LRRFIP2: variants seen among roughly 807,000 people sequenced by gnomAD.
LRRFIP2 encodes the protein LRR binding FLII interacting protein 2.
LRRFIP2 carries 109 observed loss-of-function variants against 125.9 expected under a neutral mutation model. The observed-to-expected ratio is 0.87, with a 90% CI of 0.74 to 1.01. LRRFIP2 has a LOEUF of 1.01. Ranked by LOEUF, LRRFIP2 falls within the 50% of genes least tolerant of loss-of-function variation. LRRFIP2 has a pLI of 0.00. For synonymous variants in LRRFIP2, 291 were observed against 293.1 expected (o/e 0.99, Z 0.07); for missense variants, 850 against 862.3 (o/e 0.99, Z 0.18).
intron 7 of LRRFIP2, among the ~76,000 whole-genome samples, chr3:37,114,627 AT>A (rs1276839822): frequency 2.0e-5 from 3 of 152,090 alleles, no homozygotes; most frequent in Non-Finnish European, 4.4e-5. Flanking sequence ...TACAAAAAAA[AT>A]AAAACAATTA....
At chr3:37,077,774 T>C (rs994136755) in intron 19 of LRRFIP2, among the ~76,000 whole-genome samples, 1 of 152,174 alleles carries the variant, frequency 6.6e-6, no homozygotes, top group Non-Finnish European at 1.5e-5. Flanking sequence ...GATAGATGAA[T>C]GCATAAGCAA....
chr3:37,146,371 C>G (rs151211527), intron 2 of LRRFIP2, among the ~76,000 whole-genome samples: 11 of 152,032 alleles, frequency 7.2e-5, no homozygotes, highest in Admixed American at 7.2e-4. Flanking sequence ...TAGGTAAACA[C>G]GTGTCATGAT....
intron 26 of LRRFIP2, 98 bp downstream of exon 26, chr3:37,054,988 G>T: frequency 1.4e-6 from 1 of 736,266 alleles, no homozygotes; most frequent in Non-Finnish European, 2.4e-6. Context: ...AACTATTATT[G>T]ATCCAACTGC....
At chr3:37,150,590 T>A (rs2095995508) in intron 1 of LRRFIP2, among the ~76,000 whole-genome samples, 1 of 152,136 alleles carries the variant, frequency 6.6e-6, no homozygotes, top group South Asian at 2.1e-4. Flanking sequence ...CCATCTAACC[T>A]TTGGTTAGAT....
intron 17 of LRRFIP2, chr3:37,093,343 C>G (rs577798191): frequency 6.6e-6 from 1 of 152,612 alleles, no homozygotes; most frequent in African/African-American, 2.4e-5. Flanking sequence ...TCCTCTCACC[C>G]ACGCAGGTAT....
chr3:37,105,399 A>G (rs2094267790), intron 14 of LRRFIP2, 56 bp downstream of exon 14: 3 of 1,357,936 alleles, frequency 2.2e-6, no homozygotes, highest in Non-Finnish European at 3.2e-6. Flanking sequence ...TCATGTGATC[A>G]TGCATTGCTG....
intron 18 of LRRFIP2, among the ~76,000 whole-genome samples, chr3:37,084,721 TAA>T (rs1276363510): frequency 6.9e-6 from 1 of 144,930 alleles, no homozygotes; most frequent in Non-Finnish European, 1.5e-5. Context: ...AGTTTTGAAG[TAA>T]AAAAAAAAGG....
chr3:37,081,101 T>A (rs573434961), intron 19 of LRRFIP2, among the ~76,000 whole-genome samples: 1 of 152,174 alleles, frequency 6.6e-6, no homozygotes, highest in South Asian at 2.1e-4. Flanking sequence ...CAAAAAGATT[T>A]TTAAAAAACA....
intron 13 of LRRFIP2, 149 bp from the exon 14 acceptor site, chr3:37,105,672 A>T (rs2094284129): frequency 1.8e-6 from 1 of 547,360 alleles, no homozygotes; most frequent in South Asian, 2.8e-5. Flanking sequence ...CTTATATATT[A>T]ATAAAAAAGC....
At chr3:37,091,900 T>C (rs182794455) in intron 17 of LRRFIP2, among the ~76,000 whole-genome samples, 148 of 152,360 alleles carry the variant, frequency 9.7e-4, no homozygotes, top group Admixed American at 1.8e-3. Context: ...AAAATTTTTT[T>C]AGCACAATGC....
intron 4 of LRRFIP2, among the ~76,000 whole-genome samples, chr3:37,126,896 C>A (rs1040058895): frequency 1.3e-5 from 2 of 150,410 alleles, no homozygotes; most frequent in African/African-American, 2.5e-5. Flanking sequence ...AAGAAAGTTG[C>A]TTGTTTAGCA....
intron 24 of LRRFIP2, among the ~76,000 whole-genome samples, chr3:37,061,920 C>T (rs943504146): frequency 3.9e-5 from 6 of 152,176 alleles, no homozygotes; most frequent in African/African-American, 7.2e-5. Flanking sequence ...AGGTCATTCT[C>T]TCTAGACCCG....
intron 18 of LRRFIP2, among the ~76,000 whole-genome samples, chr3:37,089,409 T>C (rs1351639345): frequency 6.6e-6 from 1 of 152,084 alleles, no homozygotes; most frequent in Non-Finnish European, 1.5e-5. Flanking sequence ...GTTGAGAGCA[T>C]CCCAAAGGCA....
chr3:37,058,778 C>G lies in LRRFIP2; in HGVS notation c.1870+12G>C. On this transcript the variant is annotated intron_variant, in intron 25 of 27. Coordinates refer to ENST00000336686, the MANE Select transcript of LRRFIP2 (RefSeq NM_006309.4). The stretch of plus-strand genomic sequence containing the variant: ...TATACAGACTGGGACTGGCCTGTCC[C>G]CTGGTACCTACTCTGCATTTCGATG... 6.2e-7 allele frequency: 1 copy of G among 1,613,906 alleles called. No individual in the cohort carries two copies. The highest frequency in any genetic ancestry group is 8.5e-7 in the Non-Finnish European group (1 of 1,179,882).
chr3:37,055,016 T>C, intron 26 of LRRFIP2, 70 bp downstream of exon 26: 1 of 980,166 alleles, frequency 1.0e-6, no homozygotes, highest in Non-Finnish European at 1.6e-6. Context: ...ACCCAGGCAC[T>C]CATGGGTTGT....
At chr3:37,121,818 C>T (rs1365622679) in intron 4 of LRRFIP2, 127 bp from the exon 5 acceptor site, 3 of 783,828 alleles carry the variant, frequency 3.8e-6, no homozygotes, top group Non-Finnish European at 6.4e-6. Context: ...GTTTGGATAA[C>T]TTATCTTAGG....
At chr3:37,114,795 T>TAA (rs538785576) in intron 7 of LRRFIP2, among the ~76,000 whole-genome samples, 9 of 139,208 alleles carry the variant, frequency 6.5e-5, no homozygotes, top group Admixed American at 3.6e-4. Context: ...TCTTTAAAAT[T>TAA]AAAAAAAAAA....
chr3:37,074,946 C>T, intron 20 of LRRFIP2, 78 bp downstream of exon 20: 2 of 928,688 alleles, frequency 2.2e-6, no homozygotes, highest in Non-Finnish European at 3.5e-6. Flanking sequence ...CTTAACTCTC[C>T]TTCCCTCCCA....
At position 37,108,719 on chromosome 3, in the gene LRRFIP2, G is replaced by A. The variant is rs754894012; in HGVS notation, c.610-35C>T. On this transcript the variant is annotated intron_variant, in intron 11 of 27. Transcript: ENST00000336686. ...AAAGGAAATATCACTTAGCTATTTA[G>A]CTTCAAGGTTGTTTTGAAAATGACT... is the stretch of plus-strand genomic sequence containing the variant. The A allele has an allele frequency of 1.7e-5, 27 of 1,550,574 alleles. No individual in the cohort carries two copies. In the South Asian group the frequency reaches 2.7e-4, roughly 16 times the overall value.
Sources: gnomAD v4.1 joint callset for allele counts (sites outside exome capture counted in the v4.1 genomes callset) on GRCh38, gnomAD v4.1.1 for gene constraint, MANE v1.5 for transcripts, NCBI Gene and HGNC (gene_info 2026-07-23, HGNC 2026-07-21) for gene names.